FOXP1: variants seen among roughly 807,000 people sequenced by gnomAD.
FOXP1 encodes the protein forkhead box protein P1.
Under a neutral mutation model 98.2 loss-of-function variants are expected in FOXP1, and 15 were observed. That is an observed-to-expected ratio of 0.15 (90% CI 0.10 to 0.24). The LOEUF (loss-of-function observed/expected upper bound fraction) is 0.24. Among genes scored for constraint, FOXP1 ranks in the 10% least tolerant of loss-of-function variants. The pLI is 1.00. For missense variants in FOXP1, 633 were observed against 848.5 expected, an observed-to-expected ratio of 0.75 and a Z score of 3.15; for synonymous variants, 371 against 314.5, an observed-to-expected ratio of 1.18 and a Z score of -1.90.
At chr3:71,338,187 CAT>C (rs2076802600) in intron 4 of FOXP1, among the ~76,000 whole-genome samples, 1 of 152,182 alleles carries the variant, frequency 6.6e-6, no homozygotes, top group Admixed American at 6.5e-5. Context: ...TCTGCAAAAA[CAT>C]GTGTTACATA....
intron 3 of FOXP1, among the ~76,000 whole-genome samples, chr3:71,478,414 G>A (rs1178085252): frequency 6.6e-6 from 1 of 152,138 alleles, no homozygotes; most frequent in East Asian, 1.9e-4. Flanking sequence ...TCTCTCTTGT[G>A]AAGTTTGCCA....
chr3:71,208,456 GC>G (rs1391270070), intron 5 of FOXP1, among the ~76,000 whole-genome samples: 1 of 151,960 alleles, frequency 6.6e-6, no homozygotes, highest in Admixed American at 6.6e-5. Context: ...GATAAGAAAA[GC>G]AAACCTAAGT....
chr3:71,539,278 ATT>A lies in FOXP1; in HGVS notation c.-298+42269_-298+42270del, dbSNP rs59674177. The stretch of plus-strand genomic sequence containing the variant: ...AGGCACCTGCCACCATGCCCAGCTA[ATT>A]TTTTTTTTTTTTTTTGTATGTTAGT... On this transcript the variant is annotated intron_variant, in intron 2 of 20. Transcript: ENST00000649528. Among the ~76,000 whole-genome samples, 935 of 114,880 alleles carry A rather than the reference ATT, an allele frequency of 8.1e-3. 9 individuals carry two copies. The highest frequency in any genetic ancestry group is 0.016 in the African/African-American group (478 of 29,226). 75.4% of individuals were successfully genotyped at this position (114,880 alleles called of 152,430 possible).
chr3:71,464,219 T>C (rs1161249549), intron 3 of FOXP1, among the ~76,000 whole-genome samples: 1 of 152,142 alleles, frequency 6.6e-6, no homozygotes, highest in East Asian at 1.9e-4. Flanking sequence ...GAGGTTGCAG[T>C]GAGCCATAAT....
At position 70,991,001 on chromosome 3, in the gene FOXP1, A is replaced by G. The variant is rs2040514833; in HGVS notation, c.1063-2924T>C. ...GAAGATCAGATGAGGTCTTGCACAT[A>G]ACAAGCTTAGCAAAATGACTAGTGC... On this transcript the variant is annotated intron_variant, in intron 13 of 20. Coordinates refer to ENST00000649528, the MANE Select transcript of FOXP1 (RefSeq NM_001349338.3). Among the ~76,000 whole-genome samples the G allele has an allele frequency of 2.0e-5, 3 of 152,276 alleles. No individual in the cohort carries two copies. The South Asian group carries it at 6.2e-4, about 32-fold the overall frequency.
chr3:71,200,287 G>C (rs368220500), intron 5 of FOXP1, among the ~76,000 whole-genome samples: 2 of 152,026 alleles, frequency 1.3e-5, no homozygotes, highest in East Asian at 3.9e-4. Flanking sequence ...ACCAGTGTTG[G>C]GTCAGGCAGG....
At chr3:71,368,509 T>C (rs1286241832) in intron 3 of FOXP1, among the ~76,000 whole-genome samples, 1 of 151,968 alleles carries the variant, frequency 6.6e-6, no homozygotes, top group Non-Finnish European at 1.5e-5. Context: ...CTCATTAGTC[T>C]CTGAGAAAAA....
At chr3:71,314,796 A>AG (rs1442287337) in intron 4 of FOXP1, among the ~76,000 whole-genome samples, 2 of 152,048 alleles carry the variant, frequency 1.3e-5, no homozygotes, top group African/African-American at 2.4e-5. Flanking sequence ...CTACCAAAAA[A>AG]GACTTTGGGG....
intron 3 of FOXP1, among the ~76,000 whole-genome samples, chr3:71,413,290 A>ACACCCC (rs371166757): frequency 1.6e-4 from 22 of 138,620 alleles, no homozygotes; most frequent in South Asian, 1.2e-3. Flanking sequence ...ACACACACAC[A>ACACCCC]CCCAAAACAG....
intron 4 of FOXP1, chr3:71,333,911 C>T (rs1407293528): frequency 1.3e-5 from 2 of 151,070 alleles, no homozygotes; most frequent in African/African-American, 2.4e-5. Flanking sequence ...AAAGAATAAA[C>T]TTGAAAAAAA....
At chr3:71,085,950 G>C (rs1038373013) in intron 7 of FOXP1, among the ~76,000 whole-genome samples, 1 of 151,408 alleles carries the variant, frequency 6.6e-6, no homozygotes, top group Non-Finnish European at 1.5e-5. Flanking sequence ...GGATGGCCTT[G>C]ATCTCTTGAC....
chr3:71,558,285 A>G (rs919796735), intron 2 of FOXP1, among the ~76,000 whole-genome samples: 4 of 152,066 alleles, frequency 2.6e-5, no homozygotes, highest in African/African-American at 9.7e-5. Context: ...CCCCTTCCCT[A>G]ACAGGGGCCA....
intron 5 of FOXP1, among the ~76,000 whole-genome samples, chr3:71,291,245 A>T (rs2072723251): frequency 6.6e-6 from 1 of 152,226 alleles, no homozygotes; most frequent in Admixed American, 6.5e-5. Context: ...CACATAAGTA[A>T]CTGTGACGCT....
At chr3:71,396,874 G>A (rs1174740537) in intron 3 of FOXP1, among the ~76,000 whole-genome samples, 1 of 135,562 alleles carries the variant, frequency 7.4e-6, no homozygotes, top group Non-Finnish European at 1.6e-5. Context: ...ATTCATCTCC[G>A]TATAAGGTTC....
At chr3:71,267,136 T>A (rs1184557607) in intron 5 of FOXP1, among the ~76,000 whole-genome samples, 10 of 152,000 alleles carry the variant, frequency 6.6e-5, no homozygotes, top group East Asian at 1.9e-4. Context: ...TGTGTGTGTG[T>A]GTGTGTGTGT....
At chr3:71,129,885 A>G (rs185616525) in intron 6 of FOXP1, among the ~76,000 whole-genome samples, 1 of 152,326 alleles carries the variant, frequency 6.6e-6, no homozygotes, top group Admixed American at 6.5e-5. Context: ...ATCAAAGTTA[A>G]CAACCATCAC....
chr3:71,321,664 C>T (rs1323189285), intron 4 of FOXP1, among the ~76,000 whole-genome samples: 1 of 151,646 alleles, frequency 6.6e-6, no homozygotes, highest in Non-Finnish European at 1.5e-5. Context: ...CTCTGTTGCC[C>T]AGGCCGGAGT....
At chr3:71,409,002 G>A (rs1398892025) in intron 3 of FOXP1, among the ~76,000 whole-genome samples, 1 of 152,164 alleles carries the variant, frequency 6.6e-6, no homozygotes, top group Non-Finnish European at 1.5e-5. Context: ...TTCCCCCAGA[G>A]AAATGTATAA....
intron 2 of FOXP1, among the ~76,000 whole-genome samples, chr3:71,550,273 A>G (rs1289643487): frequency 2.0e-5 from 3 of 152,170 alleles, no homozygotes; most frequent in Non-Finnish European, 2.9e-5. Context: ...AAGCTGGTTG[A>G]GAGCACAAAC....
Sources: allele counts gnomAD v4.1 joint callset (sites outside exome capture counted in the v4.1 genomes callset), GRCh38; gene constraint gnomAD v4.1.1; transcripts MANE v1.5; gene names NCBI Gene and HGNC (gene_info 2026-07-23, HGNC 2026-07-21).